Variants in AR observed in about 807,000 individuals in gnomAD.
The protein encoded by AR is dihydrotestosterone receptor.
AR carries 8 observed loss-of-function variants against 53.9 expected under a neutral mutation model. The observed-to-expected ratio is 0.15, with a 90% CI of 0.09 to 0.27. The LOEUF (loss-of-function observed/expected upper bound fraction) is 0.27. Among genes scored for constraint, AR ranks in the 10% least tolerant of loss-of-function variants. The pLI is 1.00. For synonymous variants in AR, 359 were observed against 316.4 expected (o/e 1.13, Z -1.43); for missense variants, 639 against 742.5 (o/e 0.86, Z 1.62).
At chrX:67,660,253 A>G (rs1471851727) in intron 2 of AR, among the ~76,000 whole-genome samples, 1 of 111,872 alleles carries the variant, frequency 8.9e-6, no homozygotes, top group Non-Finnish European at 1.9e-5. Flanking sequence ...TTTTGTTGCC[A>G]TTGCTTTTGG....
rs1602276296 is a variant in AR, at chrX:67,717,586, G to A, written c.2282G>A (p.Arg761Lys). The change falls in exon 5 of 8, where the codon AGG becomes AAG. Residue 761 changes from arginine to lysine, a missense_variant. By Grantham distance (26) the Arg-to-Lys change is conservative. Transcript: ENST00000374690. ...GWRSFTNVNS[R>K]MLYFAPDLVF... Reference sequence around the variant, plus strand: ...CGATCCTTCACCAATGTCAACTCCAGGATGCTCTACTTCGCCCCTGATCTG... The same window carrying A: ...CGATCCTTCACCAATGTCAACTCCAAGATGCTCTACTTCGCCCCTGATCTG... 1 of 1,212,252 alleles carries A rather than the reference G, an allele frequency of 8.2e-7. No individual in the cohort carries two copies. Among genetic ancestry groups the A allele is most frequent in the South Asian group, 1.8e-5 (1 of 57,011 alleles).
intron 1 of AR, among the ~76,000 whole-genome samples, chrX:67,581,353 G>A (rs982668979): frequency 5.4e-5 from 6 of 111,183 alleles, no homozygotes; most frequent in African/African-American, 2.0e-4. Context: ...GCTTTTAAGA[G>A]GCATATCTTA....
chrX:67,588,446 C>T (rs760929763), intron 1 of AR, among the ~76,000 whole-genome samples: 7 of 111,949 alleles, frequency 6.3e-5, no homozygotes, highest in Non-Finnish European at 9.4e-5. Context: ...GTACAACAGC[C>T]GCCACCCAGC....
At chrX:67,670,930 A>T (rs768873004) in intron 2 of AR, among the ~76,000 whole-genome samples, 7 of 111,317 alleles carry the variant, frequency 6.3e-5, no homozygotes, top group Non-Finnish European at 1.1e-4. Context: ...AAGGACATGA[A>T]CTCATCCTTT....
intron 2 of AR, among the ~76,000 whole-genome samples, chrX:67,670,558 A>G (rs1381173389): frequency 3.7e-5 from 4 of 107,031 alleles, no homozygotes; most frequent in Non-Finnish European, 7.7e-5. Context: ...ATAGTATAGT[A>G]TATATATAAT....
At chrX:67,639,030 C>T (rs1925604342) in intron 1 of AR, among the ~76,000 whole-genome samples, 1 of 111,998 alleles carries the variant, frequency 8.9e-6, no homozygotes. Context: ...CAGTTTTCTG[C>T]ATATGGCTAG....
chrX:67,626,610 TTA>T (rs201252311), intron 1 of AR, among the ~76,000 whole-genome samples: 47,203 of 84,959 alleles, frequency 0.56, 13,436 homozygotes, highest in Non-Finnish European at 0.71. Context: ...CCGACTAATT[TTA>T]TATATATATA....
rs1156498477 is a variant in AR at position 67,685,473 on chromosome X, G to A, written c.1769-537G>A. 2.7e-5 allele frequency among the ~76,000 whole-genome samples: 3 copies of A among 111,291 alleles called. No homozygotes were observed. The Admixed American group carries it at 2.9e-4, about 11-fold the overall frequency. On this transcript the variant is annotated intron_variant, in intron 2 of 7. Coordinates refer to ENST00000374690, the MANE Select transcript of AR (RefSeq NM_000044.6). The stretch of plus-strand genomic sequence containing the variant: ...ATTTTTATAACCTGCAAGACTGGGG[G>A]TATGATCACCAGCAATCTAAAAACA...
intron 2 of AR, among the ~76,000 whole-genome samples, chrX:67,653,505 A>G (rs992068332): frequency 5.4e-5 from 6 of 111,570 alleles, no homozygotes; most frequent in African/African-American, 1.6e-4. Context: ...TAGGAAGAGA[A>G]CTTCAGGAGG....
chrX:67,556,376 A>G (rs1242406629), intron 1 of AR, among the ~76,000 whole-genome samples: 1 of 111,809 alleles, frequency 8.9e-6, no homozygotes, highest in Non-Finnish European at 1.9e-5. Context: ...AGTGGTATCA[A>G]TACTAGAAAT....
Position 67,723,683 on chromosome X carries a change from C to T in AR, c.2608-3C>T, listed in dbSNP as rs751108458. The T allele has an allele frequency of 1.7e-5, 20 of 1,210,373 alleles. No individual in the cohort carries two copies. Among genetic ancestry groups the T allele is most frequent in the Admixed American group, 8.7e-5 (4 of 45,949 alleles). On this transcript the variant is annotated splice_region_variant and splice_polypyrimidine_tract_variant and intron_variant, in intron 7 of 7. Coordinates refer to ENST00000374690, the MANE Select transcript of AR (RefSeq NM_000044.6). ...TTTTTCTCCCTCTTATTGTTCCCTACAGATTGCGAGAGAGCTGCATCAGTT... is the reference window on the plus strand; with the variant it reads ...TTTTTCTCCCTCTTATTGTTCCCTATAGATTGCGAGAGAGCTGCATCAGTT...
intron 2 of AR, among the ~76,000 whole-genome samples, chrX:67,652,882 G>A (rs1304790183): frequency 8.9e-6 from 1 of 112,095 alleles, no homozygotes; most frequent in Non-Finnish European, 1.9e-5. Flanking sequence ...TTCCAAGGTT[G>A]TTTTGTGTGT....
intron 2 of AR, among the ~76,000 whole-genome samples, chrX:67,656,361 A>G (rs1926589307): frequency 9.0e-6 from 1 of 111,061 alleles, no homozygotes; most frequent in Non-Finnish European, 1.9e-5. Flanking sequence ...CGGCAGATAC[A>G]ATGTGATGGG....
intron 3 of AR, among the ~76,000 whole-genome samples, chrX:67,703,397 G>T (rs1019057426): frequency 8.9e-6 from 1 of 112,015 alleles, no homozygotes; most frequent in African/African-American, 3.2e-5. Context: ...TAAATTGTGT[G>T]TGTGAGCACA....
chrX:67,547,878 A>G (rs1276966509), intron 1 of AR, among the ~76,000 whole-genome samples: 5 of 112,080 alleles, frequency 4.5e-5, no homozygotes, highest in Non-Finnish European at 9.4e-5. Flanking sequence ...AGTGGCAGGC[A>G]ATTGCATCGT....
At chrX:67,710,332 T>C (rs945986361) in intron 3 of AR, among the ~76,000 whole-genome samples, 2 of 111,321 alleles carry the variant, frequency 1.8e-5, no homozygotes, top group Non-Finnish European at 3.8e-5. Context: ...TATTTTTATT[T>C]TTTTAGAGAC....
At chrX:67,646,901 TAAA>T (rs775122755) in intron 2 of AR, among the ~76,000 whole-genome samples, 2 of 111,220 alleles carry the variant, frequency 1.8e-5, no homozygotes, top group East Asian at 5.7e-4. Context: ...CCTAATCAAT[TAAA>T]GAAGCAATCT....
intron 2 of AR, among the ~76,000 whole-genome samples, chrX:67,662,741 A>T (rs1227435221): frequency 3.6e-5 from 4 of 110,943 alleles, no homozygotes; most frequent in African/African-American, 1.3e-4. Flanking sequence ...GTCTCCCATT[A>T]TTATTGTGTG....
At chrX:67,652,937 A>G (rs749305697) in intron 2 of AR, among the ~76,000 whole-genome samples, 2 of 112,121 alleles carry the variant, frequency 1.8e-5, no homozygotes, top group East Asian at 5.6e-4. Flanking sequence ...CATAGCTTTT[A>G]CATGGATCTC....
Sources: allele counts gnomAD v4.1 joint callset (sites outside exome capture counted in the v4.1 genomes callset), GRCh38; gene constraint gnomAD v4.1.1; transcripts MANE v1.5; gene names NCBI Gene and HGNC (gene_info 2026-07-23, HGNC 2026-07-21).